Variants in DNAH14 observed in about 807,000 individuals in gnomAD.
DNAH14 encodes dynein axonemal heavy chain 14.
Under a neutral mutation model 520.9 loss-of-function variants are expected in DNAH14, and 478 were observed. That is an observed-to-expected ratio of 0.92 (90% CI 0.85 to 0.99). The LOEUF (loss-of-function observed/expected upper bound fraction) is 0.99. Among genes scored for constraint, DNAH14 ranks in the 50% least tolerant of loss-of-function variants. The pLI, the probability that DNAH14 is intolerant of heterozygous loss-of-function variation, is 0.00. For missense variants in DNAH14, 4,831 were observed against 5,234.5 expected (o/e 0.92, Z 2.38); for synonymous variants, 1,581 against 1,757.2 (o/e 0.90, Z 2.51).
chr1:225,017,644 T>C (rs1329805917), intron 10 of DNAH14, among the ~76,000 whole-genome samples: 1 of 152,224 alleles, frequency 6.6e-6, no homozygotes, highest in Non-Finnish European at 1.5e-5. Context: ...TTCCCACCGA[T>C]GGTCACCCTG....
chr1:225,011,037 A>G (rs1366038808), intron 10 of DNAH14, among the ~76,000 whole-genome samples: 2 of 132,890 alleles, frequency 1.5e-5, no homozygotes, highest in Admixed American at 7.1e-5. Flanking sequence ...TAATCTCTTG[A>G]AAAAAAAACA....
chr1:225,346,966 C>G (rs972836910), intron 71 of DNAH14, among the ~76,000 whole-genome samples: 4 of 152,128 alleles, frequency 2.6e-5, no homozygotes, highest in African/African-American at 7.2e-5. Flanking sequence ...TAGAGTTGCC[C>G]TCACTTTCTT....
rs577238956 is a variant in DNAH14 at position 225,051,306 on chromosome 1, C to G, written c.2080-145C>G. 5.3e-6 allele frequency: 3 copies of G among 567,218 alleles called. No individual in the cohort carries two copies. In the South Asian group the frequency reaches 1.3e-4, roughly 25 times the overall value. The allele number at this position is 567,218 out of a possible 1,614,324, so 35.1% of individuals were successfully genotyped here. On this transcript the variant is annotated intron_variant, in intron 16 of 85. Coordinates refer to ENST00000682510, the MANE Select transcript of DNAH14 (RefSeq NM_001367479.1). ...ATTTCTTAAAGTCTTGTGTTTCCAA[C>G]ATATTTCGATTTTTAATAGAGGTTC...
rs1559243391 is a variant in DNAH14, at chr1:225,192,679, C to T, written c.5671-17C>T. 1 of 1,516,654 alleles carries T rather than the reference C, an allele frequency of 6.6e-7. No individual in the cohort carries two copies. 93.9% of individuals were successfully genotyped at this position (1,516,654 alleles called of 1,614,324 possible). A position where few individuals can be genotyped will look rare whatever the true frequency, so the allele number is the denominator to read the frequency against. The stretch of plus-strand genomic sequence containing the variant: ...CTATAGTTAATGTCTTTAAAAACTA[C>T]ACTGGATTTTTCCCAGATTTCAGAA... On this transcript the variant is annotated splice_polypyrimidine_tract_variant and intron_variant, in intron 37 of 85. Transcript: ENST00000682510.
At chr1:225,178,792 G>T (rs2083631950) in intron 36 of DNAH14, among the ~76,000 whole-genome samples, 1 of 152,112 alleles carries the variant, frequency 6.6e-6, no homozygotes, top group Non-Finnish European at 1.5e-5. Flanking sequence ...GGGGTGGAAT[G>T]ATATGGTTTG....
Position 224,973,971 on chromosome 1 carries a change from C to T in DNAH14, c.768-120C>T, listed in dbSNP as rs573918841. 30 of 519,650 alleles carry T rather than the reference C, an allele frequency of 5.8e-5. No individual in the cohort carries two copies. The South Asian group carries it at 1.3e-3, about 22-fold the overall frequency. The allele number at this position is 519,650 out of a possible 1,614,324, so 32.2% of individuals were successfully genotyped here. A position where few individuals can be genotyped will look rare whatever the true frequency, so the allele number is the denominator to read the frequency against. ...ATGGCTTAGCATTTCCTTTAGGTAA[C>T]TCAGGATGAATGAAATATGTTCTAG... On this transcript the variant is annotated intron_variant, in intron 7 of 85. Transcript: ENST00000682510.
Position 225,205,862 on chromosome 1 carries a change from A to G in DNAH14, c.5978-109A>G. On this transcript the variant is annotated intron_variant, in intron 39 of 85. Coordinates refer to ENST00000682510, the MANE Select transcript of DNAH14 (RefSeq NM_001367479.1). ...CATTCACTCTAGTGTTTTCTAGGAT[A>G]TCTTTCCTCTTAGAAAATATGTCCT... is the stretch of plus-strand genomic sequence containing the variant. 10 of 868,330 alleles carry G rather than the reference A, an allele frequency of 1.2e-5. No individual in the cohort carries two copies. In the South Asian group the frequency reaches 1.4e-4, roughly 12 times the overall value. 53.8% of individuals were successfully genotyped at this position (868,330 alleles called of 1,614,324 possible).
At chr1:224,996,623 T>C (rs2063407848) in intron 8 of DNAH14, among the ~76,000 whole-genome samples, 1 of 152,186 alleles carries the variant, frequency 6.6e-6, no homozygotes, top group South Asian at 2.1e-4. Flanking sequence ...GGCTGGGCTC[T>C]AGTCTCTGGT....
chr1:225,201,828 T>A (rs1292635061), intron 38 of DNAH14, among the ~76,000 whole-genome samples: 2 of 151,956 alleles, frequency 1.3e-5, no homozygotes, highest in African/African-American at 2.4e-5. Context: ...TGCACTATTT[T>A]TGTGCTTGTT....
chr1:225,298,285 G>C (rs188756792), intron 55 of DNAH14, among the ~76,000 whole-genome samples: 1 of 152,298 alleles, frequency 6.6e-6, no homozygotes, highest in Non-Finnish European at 1.5e-5. Flanking sequence ...CCTTAGTGGA[G>C]GCACTTGTGG....
chr1:225,000,898 A>G (rs1408100907), intron 8 of DNAH14, among the ~76,000 whole-genome samples: 1 of 152,038 alleles, frequency 6.6e-6, no homozygotes, highest in Non-Finnish European at 1.5e-5. Flanking sequence ...AATGGGGACA[A>G]ATGTCCAAGC....
At chr1:225,168,510 G>A (rs2082265817) in intron 36 of DNAH14, among the ~76,000 whole-genome samples, 1 of 152,204 alleles carries the variant, frequency 6.6e-6, no homozygotes, top group Non-Finnish European at 1.5e-5. Flanking sequence ...TATATCCAGT[G>A]CCTGGCTTGG....
intron 17 of DNAH14, among the ~76,000 whole-genome samples, chr1:225,057,490 T>C (rs1481327836): frequency 6.6e-6 from 1 of 152,184 alleles, no homozygotes; most frequent in African/African-American, 2.4e-5. Flanking sequence ...ACAATTTGAC[T>C]TCCTCTTTTC....
chr1:225,146,956 A>G, intron 30 of DNAH14, 148 bp from the exon 31 acceptor site: 1 of 607,386 alleles, frequency 1.6e-6, no homozygotes, highest in South Asian at 2.5e-5. Context: ...GCTGCTTTCA[A>G]CCCTATAAAA....
At chr1:225,021,787 C>A (rs1427050019) in intron 10 of DNAH14, among the ~76,000 whole-genome samples, 1 of 152,028 alleles carries the variant, frequency 6.6e-6, no homozygotes, top group African/African-American at 2.4e-5. Context: ...AAAAACTATT[C>A]TAAAATTTGT....
chr1:224,983,563 GAAGGAGATAAAGGGCATCCA>G (rs1271254434), intron 8 of DNAH14, among the ~76,000 whole-genome samples: 1 of 152,130 alleles, frequency 6.6e-6, no homozygotes, highest in Admixed American at 6.6e-5. Context: ...TCCAACAAGA[GAAGGAGATAAAGGGCATCCA>G]AATTGGTAAA....
intron 37 of DNAH14, among the ~76,000 whole-genome samples, chr1:225,188,510 T>C (rs1387962715): frequency 2.6e-5 from 4 of 152,002 alleles, no homozygotes; most frequent in Non-Finnish European, 5.9e-5. Flanking sequence ...AAAAATATAA[T>C]ATATAAAGGG....
intron 52 of DNAH14, among the ~76,000 whole-genome samples, chr1:225,273,857 A>G (rs2093383399): frequency 6.6e-6 from 1 of 152,156 alleles, no homozygotes; most frequent in East Asian, 1.9e-4. Context: ...CCATTACTAG[A>G]ATTTTTTGCC....
At chr1:225,062,388 A>G (rs761295350) in intron 17 of DNAH14, among the ~76,000 whole-genome samples, 1 of 152,148 alleles carries the variant, frequency 6.6e-6, no homozygotes, top group African/African-American at 2.4e-5. Context: ...GTAGTACAGG[A>G]TTATGATTCT....
Sources: allele counts gnomAD v4.1 joint callset (sites outside exome capture counted in the v4.1 genomes callset), GRCh38; gene constraint gnomAD v4.1.1; transcripts MANE v1.5; gene names NCBI Gene and HGNC (gene_info 2026-07-23, HGNC 2026-07-21).